Variants in CACNA1I observed in about 807,000 individuals in gnomAD.
CACNA1I encodes calcium voltage-gated channel subunit alpha1 I.
In CACNA1I, 74 loss-of-function variants were observed where a neutral mutation model predicts 201.6. The ratio of observed to expected loss-of-function variants is 0.37; its 90% confidence interval spans 0.30 to 0.45. The LOEUF (loss-of-function observed/expected upper bound fraction) is 0.45. Ranked by LOEUF, CACNA1I falls within the 20% of genes least tolerant of loss-of-function variation. The pLI is 1.00. For synonymous variants in CACNA1I, 1,431 were observed against 1,345.2 expected (o/e 1.06, Z -1.40); for missense variants, 2,346 against 3,138.1 (o/e 0.75, Z 6.03).
intron 20 of CACNA1I, 94 bp from the exon 21 acceptor site, chr22:39,664,645 C>A: frequency 2.5e-6 from 1 of 403,312 alleles, no homozygotes; most frequent in Non-Finnish European, 4.7e-6. Context: ...GCCGATCAGG[C>A]CTCGCCCCGC....
intron 5 of CACNA1I, among the ~76,000 whole-genome samples, chr22:39,640,224 A>G (rs2146418766): frequency 6.6e-6 from 1 of 152,262 alleles, no homozygotes; most frequent in South Asian, 2.1e-4. Flanking sequence ...CCCCATCTCT[A>G]CTAAAAAAAC....
At chr22:39,597,182 G>T (rs560814458) in intron 1 of CACNA1I, among the ~76,000 whole-genome samples, 1 of 152,202 alleles carries the variant, frequency 6.6e-6, no homozygotes, top group Non-Finnish European at 1.5e-5. Context: ...TGGAGATCCC[G>T]TTGGGGAGAT....
rs1274801531 is a variant in CACNA1I, at chr22:39,677,502, C to T, written c.4933+83C>T. Reference sequence around the variant, plus strand: ...TGGGGGGGCGGGGGAGGCCTGAGACCCCTGAGCCCGTCACATCAGGGTCTT... The same window carrying T: ...TGGGGGGGCGGGGGAGGCCTGAGACTCCTGAGCCCGTCACATCAGGGTCTT... On this transcript the variant is annotated intron_variant, in intron 30 of 36. Transcript: ENST00000402142. This position sits in a 1 kb window ranked among gnomAD's most constrained non-coding sequence, Gnocchi z 4.8. 4 of 943,380 alleles carry T rather than the reference C, an allele frequency of 4.2e-6. No individual in the cohort carries two copies. The highest frequency in any genetic ancestry group is 1.7e-5 in the African/African-American group (1 of 59,920). The allele number at this position is 943,380 out of a possible 1,614,324, so 58.4% of individuals were successfully genotyped here.
chr22:39,606,731 C>T (rs1276549695), intron 3 of CACNA1I, among the ~76,000 whole-genome samples: 1 of 152,132 alleles, frequency 6.6e-6, no homozygotes, highest in East Asian at 1.9e-4. Context: ...GGGGTTTCAC[C>T]ATGTTGGCCA....
chr22:39,661,075 G>T (rs1361738753), intron 15 of CACNA1I, 33 bp from the exon 16 acceptor site: 1 of 1,558,250 alleles, frequency 6.4e-7, no homozygotes, highest in African/African-American at 1.4e-5. Flanking sequence ...TCTGCCATCT[G>T]TCCCTCCCTC....
chr22:39,624,506 C>A (rs181518954), intron 4 of CACNA1I, among the ~76,000 whole-genome samples: 67 of 152,344 alleles, frequency 4.4e-4, no homozygotes, highest in African/African-American at 1.5e-3. Flanking sequence ...CCTGATTCCG[C>A]TTCTCAGAGG....
At chr22:39,630,604 A>G (rs912161303) in intron 4 of CACNA1I, among the ~76,000 whole-genome samples, 1 of 152,254 alleles carries the variant, frequency 6.6e-6, no homozygotes, top group African/African-American at 2.4e-5. Flanking sequence ...CCTTGGGCGC[A>G]GAGCATGCCT....
Position 39,661,969 on chromosome 22 carries a change from G to GCTCC in CACNA1I, c.2908_2911dup (p.Arg971LeufsTer35). 6.5e-7 allele frequency: 1 copy of GCTCC among 1,528,074 alleles called. No homozygotes were observed. Among genetic ancestry groups the GCTCC allele is most frequent in the Non-Finnish European group, 8.7e-7 (1 of 1,143,236 alleles). The allele number at this position is 1,528,074 out of a possible 1,614,324, so 94.7% of individuals were successfully genotyped here. A position where few individuals can be genotyped will look rare whatever the true frequency, so the allele number is the denominator to read the frequency against. ...CCGAACGGGAACTCCTTCCAGTCCA[G>GCTCC]CTCCCGGAGCTCCTACTACGGGCCA... On this transcript the variant is annotated frameshift_variant, in exon 17 of 37. Coordinates refer to ENST00000402142, the MANE Select transcript of CACNA1I (RefSeq NM_021096.4). LOFTEE classifies it high-confidence loss of function.
intron 4 of CACNA1I, among the ~76,000 whole-genome samples, 156 bp from the exon 5 acceptor site, chr22:39,634,409 G>T (rs2051515244): frequency 6.6e-6 from 1 of 152,072 alleles, no homozygotes; most frequent in Non-Finnish European, 1.5e-5. Context: ...AAAGGAGAGG[G>T]TGTATCTGGC....
intron 14 of CACNA1I, among the ~76,000 whole-genome samples, chr22:39,660,058 C>G (rs921000705): frequency 6.6e-6 from 1 of 152,142 alleles, no homozygotes; most frequent in African/African-American, 2.4e-5. Context: ...CTGCTCCCCC[C>G]CAGGGATGTA....
chr22:39,672,409 C>A lies in CACNA1I; in HGVS notation c.4649+101C>A, dbSNP rs544662983. The A allele has an allele frequency of 6.3e-6, 5 of 793,824 alleles. No individual in the cohort carries two copies. The East Asian group carries it at 1.2e-4, about 19-fold the overall frequency. 49.2% of individuals were successfully genotyped at this position (793,824 alleles called of 1,614,324 possible). A position where few individuals can be genotyped will look rare whatever the true frequency, so the allele number is the denominator to read the frequency against. Reference sequence around the variant, plus strand: ...GTCTGGAGCAGCCTGAAGAGGGGAACCAGTAAGCATCTAGGCACGGATGGA... The same window carrying A: ...GTCTGGAGCAGCCTGAAGAGGGGAAACAGTAAGCATCTAGGCACGGATGGA... On this transcript the variant is annotated intron_variant, in intron 27 of 36. Coordinates refer to ENST00000402142, the MANE Select transcript of CACNA1I (RefSeq NM_021096.4).
At chr22:39,630,176 G>T (rs1209499820) in intron 4 of CACNA1I, among the ~76,000 whole-genome samples, 1 of 152,146 alleles carries the variant, frequency 6.6e-6, no homozygotes, top group Non-Finnish European at 1.5e-5. Flanking sequence ...TCTCTGCTCA[G>T]CATCATCCTG....
Position 39,649,896 on chromosome 22 carries a change from G to A in CACNA1I, c.1963G>A (p.Val655Ile), listed in dbSNP as rs543332325. 11 of 1,613,368 alleles carry A rather than the reference G, an allele frequency of 6.8e-6. No individual in the cohort carries two copies. The highest frequency in any genetic ancestry group is 4.5e-5 in the East Asian group (2 of 44,844). Residue 655 changes from valine to isoleucine, a missense_variant, in exon 10 of 37, where the codon GTC (valine) becomes ATC (isoleucine). Transcript: ENST00000402142. The surrounding 1 kb of genome is among the most constrained non-coding windows in gnomAD (Gnocchi z 7.3). ...CATGATGGCCATCCTGGTCAACACC[G>A]TCAGCATGGGCATCGAGCACCACGA... ...GIMMAILVNT[V>I]SMGIEHHEQP...
Position 39,584,401 on chromosome 22 carries a change from G to C in CACNA1I, c.236+13413G>C, listed in dbSNP as rs369741063. The stretch of plus-strand genomic sequence containing the variant: ...ATGATACATCTCTTCTGGACGTGAT[G>C]AATCTGAGGTTCCCAGAGACTTCCC... On this transcript the variant is annotated intron_variant, in intron 1 of 36. Transcript: ENST00000402142. Among the ~76,000 whole-genome samples the C allele has an allele frequency of 3.3e-4, 50 of 152,312 alleles. 1 individual carries two copies. Among genetic ancestry groups the C allele is most frequent in the African/African-American group, 1.2e-3 (49 of 41,558 alleles).
At chr22:39,670,339 G>A in intron 25 of CACNA1I, 109 bp downstream of exon 25, 2 of 1,128,290 alleles carry the variant, frequency 1.8e-6, no homozygotes, top group African/African-American at 1.6e-5. Context: ...AAAAGATACA[G>A]CCCCTGTGCC....
rs959654491 is a variant in CACNA1I at position 39,662,454 on chromosome 22, G to A, written c.3372+19G>A. The A allele has an allele frequency of 1.4e-6, 2 of 1,399,730 alleles. No individual in the cohort carries two copies. Among genetic ancestry groups the A allele is most frequent in the Non-Finnish European group, 1.9e-6 (2 of 1,075,520 alleles). The allele number at this position is 1,399,730 out of a possible 1,614,324, so 86.7% of individuals were successfully genotyped here. A position where few individuals can be genotyped will look rare whatever the true frequency, so the allele number is the denominator to read the frequency against. On this transcript the variant is annotated intron_variant, in intron 17 of 36. Coordinates refer to ENST00000402142, the MANE Select transcript of CACNA1I (RefSeq NM_021096.4). The stretch of plus-strand genomic sequence containing the variant: ...CGACTACGTGAGTGGGGGCGGGGCC[G>A]AAGGGGACCTGGTGCGGTGGGATAG...
At chr22:39,598,946 T>TTTG (rs1555902525) in intron 2 of CACNA1I, among the ~76,000 whole-genome samples, 2 of 124,614 alleles carry the variant, frequency 1.6e-5, no homozygotes, top group Non-Finnish European at 1.7e-5. Flanking sequence ...CTTGGGTTTT[T>TTTG]TTTTTTTTTT....
chr22:39,604,455 G>C, intron 3 of CACNA1I, among the ~76,000 whole-genome samples: 1 of 152,132 alleles, frequency 6.6e-6, no homozygotes, highest in East Asian at 1.9e-4. Context: ...AGGGCCCCAC[G>C]CTTGGGTCCA....
intron 10 of CACNA1I, among the ~76,000 whole-genome samples, chr22:39,655,227 T>C (rs1569083167): frequency 6.6e-6 from 1 of 150,798 alleles, no homozygotes; most frequent in Non-Finnish European, 1.5e-5. Flanking sequence ...TAGCTGCCAT[T>C]ATTATGATGG....
Sources: allele counts gnomAD v4.1 joint callset (sites outside exome capture counted in the v4.1 genomes callset), GRCh38; gene constraint gnomAD v4.1.1; non-coding constraint Gnocchi (gnomAD v3.1); transcripts MANE v1.5; gene names NCBI Gene and HGNC (gene_info 2026-07-23, HGNC 2026-07-21).